The following RAB8B variants were observed in gnomAD, a reference collection of about 807,000 sequenced individuals.
RAB8B encodes RAB8B, member RAS oncogene family, also known as ras-related protein Rab-8B.
In RAB8B, 11 loss-of-function variants were observed where a neutral mutation model predicts 32.0. That is an observed-to-expected ratio of 0.34 (90% confidence interval 0.22 to 0.57). The LOEUF (loss-of-function observed/expected upper bound fraction) is 0.57. Ranked by LOEUF, RAB8B falls within the 20% of genes least tolerant of loss-of-function variation. The pLI is 0.86. For synonymous variants in RAB8B, 103 were observed against 89.6 expected (o/e 1.15, Z -0.85); for missense variants, 190 against 258.5 (o/e 0.73, Z 1.82).
In RAB8B at chr15:63,189,680, T is replaced by A; in HGVS notation, c.56T>A (p.Val19Glu). Reference protein sequence around the residue: ...FKLLLIGDSGVGKTCLLFRFS... With the variant: ...FKLLLIGDSGEGKTCLLFRFS... ...CTCCTGCTGATCGGCGACTCGGGGG[T>A]AGGCAAGACCTGCCTCCTGTTCCGC... Residue 19 changes from valine (V) to glutamate (E), a missense_variant, in exon 1 of 8, where the codon GTA becomes GAA. Around this residue, in one of 2 missense-constraint regions of RAB8B, gnomAD observed 80 missense variants for 142.6 expected, o/e 0.56. Transcript: ENST00000321437. 1 of 1,613,658 alleles carries A rather than the reference T, an allele frequency of 6.2e-7. No homozygotes were observed. The highest frequency in any genetic ancestry group is 8.5e-7 in the Non-Finnish European group (1 of 1,179,856).
rs138552774 is a variant in RAB8B at position 63,242,445 on chromosome 15, C to T, written c.125-2311C>T. 5.6e-3 allele frequency among the ~76,000 whole-genome samples: 848 copies of T among 152,140 alleles called. 7 individuals are homozygous for T. Among genetic ancestry groups the T allele is most frequent in the African/African-American group, 0.018 (754 of 41,516 alleles). On this transcript the variant is annotated intron_variant, in intron 1 of 7. Transcript: ENST00000321437. The stretch of plus-strand genomic sequence containing the variant: ...ATCCTAACACTTTGGGAGGCCGAGG[C>T]GGGTGGATCACGAGGTCGGTCAGGA...
intron 1 of RAB8B, among the ~76,000 whole-genome samples, chr15:63,230,190 C>A (rs983282540): frequency 7.2e-5 from 11 of 152,148 alleles, no homozygotes; most frequent in Non-Finnish European, 1.6e-4. Flanking sequence ...AATTTTCATA[C>A]ACTTTTGTGG....
At chr15:63,208,156 C>A (rs770164433) in intron 1 of RAB8B, among the ~76,000 whole-genome samples, 16 of 152,198 alleles carry the variant, frequency 1.1e-4, no homozygotes, top group African/African-American at 3.9e-4. Flanking sequence ...GCCTATCATT[C>A]CAAACTCCCT....
In RAB8B at chr15:63,259,963, T is replaced by C. The variant is rs1433063494; in HGVS notation, c.480+271T>C. Reference sequence around the variant, plus strand: ...GATTCTCCTGCCTCAGCCTCCCGAGTAGCTGGTACTATAGGTGTGCATCAC... The same window carrying C: ...GATTCTCCTGCCTCAGCCTCCCGAGCAGCTGGTACTATAGGTGTGCATCAC... On this transcript the variant is annotated intron_variant, in intron 6 of 7. Coordinates refer to ENST00000321437, the MANE Select transcript of RAB8B (RefSeq NM_016530.3). The surrounding 1 kb of genome is among the most constrained non-coding windows in gnomAD (Gnocchi z 4.4). Among the ~76,000 whole-genome samples the C allele has an allele frequency of 6.6e-6, 1 of 152,082 alleles. No homozygotes were observed. Among genetic ancestry groups the C allele is most frequent in the Admixed American group, 6.6e-5 (1 of 15,256 alleles).
intron 1 of RAB8B, among the ~76,000 whole-genome samples, chr15:63,236,624 T>C (rs992399020): frequency 6.6e-6 from 1 of 151,948 alleles, no homozygotes; most frequent in Non-Finnish European, 1.5e-5. Flanking sequence ...AAAAAAAAAT[T>C]GTGGGTACAT....
In RAB8B at chr15:63,248,219, A is replaced by G. The variant is rs935756134; in HGVS notation, c.186-1426A>G. On this transcript the variant is annotated intron_variant, in intron 2 of 7. Coordinates refer to ENST00000321437, the MANE Select transcript of RAB8B (RefSeq NM_016530.3). The surrounding 1 kb of genome is among the most constrained non-coding windows in gnomAD (Gnocchi z 4.4). ...AGACCTAAGATGCTTGTCTCCTTCA[A>G]GAGTATGAGCTGGGCCGGGTGCAGT... 2.0e-5 allele frequency among the ~76,000 whole-genome samples: 3 copies of G among 152,188 alleles called. No individual in the cohort carries two copies. Among genetic ancestry groups the G allele is most frequent in the Non-Finnish European group, 4.4e-5 (3 of 68,044 alleles).
At chr15:63,203,054 G>C (rs535110770) in intron 1 of RAB8B, among the ~76,000 whole-genome samples, 1 of 152,228 alleles carries the variant, frequency 6.6e-6, no homozygotes, top group African/African-American at 2.4e-5. Flanking sequence ...AGGGCCTCTT[G>C]GAGGCAGGCC....
At chr15:63,238,813 TG>T (rs1179771836) in intron 1 of RAB8B, among the ~76,000 whole-genome samples, 1 of 152,210 alleles carries the variant, frequency 6.6e-6, no homozygotes, top group African/African-American at 2.4e-5. Context: ...AATCCAATCT[TG>T]GTAATTCCCC....
intron 1 of RAB8B, among the ~76,000 whole-genome samples, chr15:63,221,866 C>G (rs2037847643): frequency 6.6e-6 from 1 of 152,196 alleles, no homozygotes; most frequent in African/African-American, 2.4e-5. Context: ...TATTTACCTA[C>G]TTGATGTTTG....
In RAB8B at chr15:63,201,360, G is replaced by A. The variant is rs530483860; in HGVS notation, c.124+11612G>A. Among the ~76,000 whole-genome samples, 5 of 152,316 alleles carry A rather than the reference G, an allele frequency of 3.3e-5. No homozygotes were observed. The South Asian group carries it at 1.0e-3, about 32-fold the overall frequency. ...CCCCAAAGGAGGAGTTAGTTGGGTA[G>A]AATGGAAGAGAGTAAGGAAGGGAGG... On this transcript the variant is annotated intron_variant, in intron 1 of 7. Transcript: ENST00000321437.
Position 63,249,634 on chromosome 15 carries a change from T to G in RAB8B, c.186-11T>G. ...ACTTCAAAAACCACTCTCCTTTGTT[T>G]CATATTTTAGGGACACAGCGGGTCA... On this transcript the variant is annotated splice_polypyrimidine_tract_variant and intron_variant, in intron 2 of 7. Coordinates refer to ENST00000321437, the MANE Select transcript of RAB8B (RefSeq NM_016530.3). 1 of 1,613,296 alleles carries G rather than the reference T, an allele frequency of 6.2e-7. No individual in the cohort carries two copies. Among genetic ancestry groups the G allele is most frequent in the South Asian group, 1.1e-5 (1 of 91,016 alleles).
chr15:63,192,606 C>T (rs2037566266), intron 1 of RAB8B, among the ~76,000 whole-genome samples: 1 of 152,190 alleles, frequency 6.6e-6, no homozygotes, highest in Admixed American at 6.5e-5. Context: ...GTATGGGTGT[C>T]TGTTTCTTCC....
intron 1 of RAB8B, 71 bp from the exon 2 acceptor site, chr15:63,244,685 C>A (rs1394569177): frequency 8.1e-7 from 1 of 1,237,950 alleles, no homozygotes; most frequent in African/African-American, 1.5e-5. Context: ...CAATAGAAAT[C>A]TTTGTCCTCC....
In RAB8B at chr15:63,248,096, G is replaced by A. The variant is rs1315963038; in HGVS notation, c.186-1549G>A. Reference sequence around the variant, plus strand: ...TCCATTTCCCCATGATTTGTTAGCGGTGCAGCAAACAAGTGCCCCATGCAT... The same window carrying A: ...TCCATTTCCCCATGATTTGTTAGCGATGCAGCAAACAAGTGCCCCATGCAT... On this transcript the variant is annotated intron_variant, in intron 2 of 7. Coordinates refer to ENST00000321437, the MANE Select transcript of RAB8B (RefSeq NM_016530.3). This position sits in a 1 kb window ranked among gnomAD's most constrained non-coding sequence, Gnocchi z 4.4. Among the ~76,000 whole-genome samples, 1 of 152,180 alleles carries A rather than the reference G, an allele frequency of 6.6e-6. No individual in the cohort carries two copies. Among genetic ancestry groups the A allele is most frequent in the Non-Finnish European group, 1.5e-5 (1 of 68,024 alleles).
intron 1 of RAB8B, among the ~76,000 whole-genome samples, chr15:63,229,365 T>G (rs1467918848): frequency 6.6e-6 from 1 of 152,250 alleles, no homozygotes. Context: ...CGGTATCTTA[T>G]GTGTCAGTCA....
chr15:63,200,734 G>A (rs1184081961), intron 1 of RAB8B, among the ~76,000 whole-genome samples: 2 of 152,142 alleles, frequency 1.3e-5, no homozygotes, highest in East Asian at 1.9e-4. Flanking sequence ...ATTTCCATTT[G>A]ACAGATGGTG....
At chr15:63,245,595 C>T (rs925888308) in intron 2 of RAB8B, among the ~76,000 whole-genome samples, 1 of 152,010 alleles carries the variant, frequency 6.6e-6, no homozygotes, top group Non-Finnish European at 1.5e-5. Context: ...AGTTCTGATA[C>T]TGTCTACCTG....
At chr15:63,233,258 C>G (rs373152961) in intron 1 of RAB8B, among the ~76,000 whole-genome samples, 6 of 151,530 alleles carry the variant, frequency 4.0e-5, no homozygotes, top group East Asian at 1.9e-4. Flanking sequence ...GAGGTGGGGT[C>G]TCATCATGTT....
chr15:63,191,353 G>A (rs954136728), intron 1 of RAB8B, among the ~76,000 whole-genome samples: 6 of 152,116 alleles, frequency 3.9e-5, no homozygotes, highest in Non-Finnish European at 8.8e-5. Flanking sequence ...AAAGGCTATG[G>A]TTTGTTTGCT....
Sources: allele counts gnomAD v4.1 joint callset (sites outside exome capture counted in the v4.1 genomes callset), GRCh38; gene constraint gnomAD v4.1.1; regional missense constraint gnomAD v4.1.1; non-coding constraint Gnocchi (gnomAD v3.1); transcripts MANE v1.5; gene names NCBI Gene and HGNC (gene_info 2026-07-23, HGNC 2026-07-21).